The following RBP2 variants were observed in gnomAD, a reference collection of about 807,000 sequenced individuals.
RBP2 encodes the protein retinol binding protein 2.
A neutral mutation model predicts 17.0 loss-of-function variants in RBP2; 17 were observed. That is an observed-to-expected ratio of 1.00 (90% CI 0.68 to 1.50). The LOEUF (loss-of-function observed/expected upper bound fraction) is 1.50. Among genes scored for constraint, RBP2 ranks in the 40% most tolerant of loss-of-function variants. RBP2 has a pLI of 0.00. For synonymous variants in RBP2, 48 were observed against 57.1 expected (o/e 0.84, Z 0.72); for missense variants, 158 against 168.2 (o/e 0.94, Z 0.33).
In RBP2 at chr3:139,454,682, C is replaced by T. The variant is rs201404158; in HGVS notation, c.354+47G>A. On this transcript the variant is annotated intron_variant, in intron 3 of 3. Transcript: ENST00000232217. Reference sequence around the variant, plus strand: ...ACACCTGGCTAGGTGACCACAGTAGCGTGTGTAAGCACAATGGAAGTGAGC... The same window carrying T: ...ACACCTGGCTAGGTGACCACAGTAGTGTGTGTAAGCACAATGGAAGTGAGC... The T allele has an allele frequency of 1.8e-3, 2,874 of 1,569,580 alleles. 2 individuals carry two copies. Among genetic ancestry groups the T allele is most frequent in the Non-Finnish European group, 2.3e-3 (2,617 of 1,139,600 alleles).
chr3:139,458,613 C>T (rs769382366), intron 2 of RBP2, among the ~76,000 whole-genome samples: 11 of 152,192 alleles, frequency 7.2e-5, no homozygotes, highest in African/African-American at 2.2e-4. Flanking sequence ...TACTAGCAAT[C>T]ACCATTCATT....
chr3:139,462,757 G>C (rs1339251673), intron 1 of RBP2, among the ~76,000 whole-genome samples: 1 of 152,162 alleles, frequency 6.6e-6, no homozygotes, highest in East Asian at 1.9e-4. Context: ...TGTCCACAGC[G>C]GGGAGGGATA....
intron 1 of RBP2, among the ~76,000 whole-genome samples, chr3:139,476,103 T>G (rs183388122): frequency 6.6e-6 from 1 of 150,930 alleles, no homozygotes; most frequent in East Asian, 1.9e-4. Context: ...TTTACTCTGT[T>G]GTGTGTGTAT....
At chr3:139,460,223 G>A (rs539169784) in intron 2 of RBP2, among the ~76,000 whole-genome samples, 1 of 152,198 alleles carries the variant, frequency 6.6e-6, no homozygotes, top group African/African-American at 2.4e-5. Context: ...AGCAATTCTG[G>A]TGTCCAATGA....
intron 1 of RBP2, among the ~76,000 whole-genome samples, chr3:139,471,728 T>A (rs1158094208): frequency 6.6e-6 from 1 of 152,182 alleles, no homozygotes; most frequent in African/African-American, 2.4e-5. Context: ...TGACTCTTCC[T>A]CCTCTAGTCA....
At chr3:139,475,647 C>A (rs1433349514) in intron 1 of RBP2, among the ~76,000 whole-genome samples, 7 of 152,182 alleles carry the variant, frequency 4.6e-5, no homozygotes, top group Non-Finnish European at 8.8e-5. Context: ...TAAGGTCAGG[C>A]AGCCAAAGCC....
chr3:139,473,197 C>A (rs1334107144), intron 1 of RBP2, among the ~76,000 whole-genome samples: 1 of 152,172 alleles, frequency 6.6e-6, no homozygotes, highest in Non-Finnish European at 1.5e-5. Context: ...CCTAAGAAGG[C>A]AGGAGAGGAA....
chr3:139,474,334 AC>A (rs1933658658), intron 1 of RBP2, among the ~76,000 whole-genome samples: 1 of 152,020 alleles, frequency 6.6e-6, no homozygotes, highest in African/African-American at 2.4e-5. Context: ...CATCCTCCCA[AC>A]CCCCAGGAGG....
At chr3:139,463,177 A>C (rs1275901861) in intron 1 of RBP2, among the ~76,000 whole-genome samples, 1 of 151,758 alleles carries the variant, frequency 6.6e-6, no homozygotes, top group East Asian at 1.9e-4. Context: ...ATATTTGTTC[A>C]GAGATTTCTT....
At chr3:139,460,220 C>G (rs1356620521) in intron 2 of RBP2, among the ~76,000 whole-genome samples, 2 of 152,172 alleles carry the variant, frequency 1.3e-5, no homozygotes, top group Admixed American at 6.5e-5. Context: ...CCTAGCAATT[C>G]TGGTGTCCAA....
rs781257521 is a variant in RBP2 at position 139,476,368 on chromosome 3, T to G, written c.73+19A>C. 1 of 1,609,806 alleles carries G rather than the reference T, an allele frequency of 6.2e-7. No individual in the cohort carries two copies. Among genetic ancestry groups the G allele is most frequent in the South Asian group, 1.1e-5 (1 of 90,926 alleles). On this transcript the variant is annotated intron_variant, in intron 1 of 3. Transcript: ENST00000232217. ...CTCCCAACAACAGCTACCCTCCCCATCCCCAGTCTCCTCCTTACCCAGGGC... is the reference window on the plus strand; with the variant it reads ...CTCCCAACAACAGCTACCCTCCCCAGCCCCAGTCTCCTCCTTACCCAGGGC...
chr3:139,464,511 G>A (rs1933296862), intron 1 of RBP2, among the ~76,000 whole-genome samples: 1 of 152,110 alleles, frequency 6.6e-6, no homozygotes, highest in African/African-American at 2.4e-5. Context: ...ATCAAGGAGA[G>A]GCCGAGTTGA....
At chr3:139,466,296 A>G (rs548024224) in intron 1 of RBP2, 1 of 152,260 alleles carries the variant, frequency 6.6e-6, no homozygotes, top group East Asian at 1.9e-4. Context: ...GGGCTTACCA[A>G]ACCCTTTCTG....
intron 1 of RBP2, among the ~76,000 whole-genome samples, chr3:139,466,974 G>T (rs1933388814): frequency 6.6e-6 from 1 of 152,104 alleles, no homozygotes; most frequent in Admixed American, 6.5e-5. Flanking sequence ...CAGTTTTACT[G>T]CTCCCCTCTG....
chr3:139,464,648 A>T (rs1324865332), intron 1 of RBP2, among the ~76,000 whole-genome samples: 1 of 152,192 alleles, frequency 6.6e-6, no homozygotes, highest in Non-Finnish European at 1.5e-5. Context: ...ATTTTAAGTA[A>T]TATTAGCTAG....
intron 2 of RBP2, among the ~76,000 whole-genome samples, chr3:139,459,159 T>G (rs557695357): frequency 5.3e-5 from 8 of 151,938 alleles, no homozygotes; most frequent in African/African-American, 1.9e-4. Flanking sequence ...TGGAAAACAA[T>G]AGCATGAGGA....
chr3:139,459,833 AGT>A (rs56943288), intron 2 of RBP2, among the ~76,000 whole-genome samples: 99 of 133,688 alleles, frequency 7.4e-4, no homozygotes, highest in Non-Finnish European at 7.8e-4. Context: ...GGTGTGTGTG[AGT>A]GTGTGTGTGT....
intron 1 of RBP2, among the ~76,000 whole-genome samples, chr3:139,466,099 A>C (rs1356165366): frequency 6.6e-6 from 1 of 152,212 alleles, no homozygotes. Flanking sequence ...GAGGAATTAA[A>C]ACCAAGACAA....
chr3:139,463,119 C>T (rs1488258560), intron 1 of RBP2, among the ~76,000 whole-genome samples: 3 of 152,164 alleles, frequency 2.0e-5, no homozygotes, highest in Non-Finnish European at 4.4e-5. Context: ...GGGTGTGAAC[C>T]ATCATGCCTG....
Sources: gnomAD v4.1 joint callset for allele counts (sites outside exome capture counted in the v4.1 genomes callset) on GRCh38, gnomAD v4.1.1 for gene constraint, MANE v1.5 for transcripts, NCBI Gene and HGNC (gene_info 2026-07-23, HGNC 2026-07-21) for gene names.